Variants in PARD3 observed in about 807,000 individuals in gnomAD.
The protein encoded by PARD3 is partitioning defective 3 homolog.
A neutral mutation model predicts 155.4 loss-of-function variants in PARD3; 75 were observed. The observed-to-expected ratio is 0.48, with a 90% CI of 0.40 to 0.58. The LOEUF is 0.58. PARD3 is among the 20% of genes least tolerant of loss of function. The pLI is 0.00. For synonymous variants in PARD3, 576 were observed against 610.5 expected (o/e 0.94, Z 0.83); for missense variants, 1,642 against 1,721.7 (o/e 0.95, Z 0.82).
At chr10:34,182,609 A>G (rs1248218283) in intron 22 of PARD3, among the ~76,000 whole-genome samples, 2 of 152,156 alleles carry the variant, frequency 1.3e-5, no homozygotes, top group Non-Finnish European at 2.9e-5. Context: ...GAGGACCTGA[A>G]AAGTAACCTA....
intron 2 of PARD3, among the ~76,000 whole-genome samples, chr10:34,556,716 G>A (rs954317226): frequency 4.6e-5 from 7 of 152,136 alleles, no homozygotes; most frequent in Non-Finnish European, 8.8e-5. Flanking sequence ...GATGAGCGTA[G>A]TGTTTATTAT....
chr10:34,397,510 T>C (rs1843451803), intron 7 of PARD3, among the ~76,000 whole-genome samples: 1 of 152,258 alleles, frequency 6.6e-6, no homozygotes, highest in South Asian at 2.1e-4. Flanking sequence ...CTTCTAGTTC[T>C]GCAAAGACAT....
intron 7 of PARD3, among the ~76,000 whole-genome samples, chr10:34,395,979 AT>A (rs1843302986): frequency 1.3e-5 from 2 of 152,198 alleles, no homozygotes; most frequent in African/African-American, 4.8e-5. Context: ...GCTAATTGTC[AT>A]TAATGCCCCT....
At chr10:34,506,197 GC>G (rs2081051097) in intron 3 of PARD3, among the ~76,000 whole-genome samples, 1 of 152,120 alleles carries the variant, frequency 6.6e-6, no homozygotes, top group African/African-American at 2.4e-5. Context: ...AGATGCTTGG[GC>G]CCCACCAAAG....
At chr10:34,496,722 T>A (rs913308331) in intron 3 of PARD3, among the ~76,000 whole-genome samples, 1 of 152,080 alleles carries the variant, frequency 6.6e-6, no homozygotes, top group African/African-American at 2.4e-5. Context: ...ACCTATAGAC[T>A]AAAAGAATCC....
chr10:34,606,718 C>T (rs1311366784), intron 2 of PARD3, among the ~76,000 whole-genome samples: 2 of 151,492 alleles, frequency 1.3e-5, no homozygotes, highest in Non-Finnish European at 2.9e-5. Flanking sequence ...GCCTGTAATC[C>T]CAGCACTTTG....
intron 1 of PARD3, among the ~76,000 whole-genome samples, chr10:34,739,808 A>G (rs1374908290): frequency 6.6e-6 from 1 of 152,184 alleles, no homozygotes; most frequent in African/African-American, 2.4e-5. Context: ...GACCTCTTAA[A>G]TCCTGTGCAA....
chr10:34,370,082 G>A (rs1347307872), intron 12 of PARD3, among the ~76,000 whole-genome samples: 1 of 152,008 alleles, frequency 6.6e-6, no homozygotes, highest in Non-Finnish European at 1.5e-5. Context: ...AAATGATACC[G>A]CATACCTGGA....
chr10:34,153,142 C>T (rs1256914478), intron 22 of PARD3, among the ~76,000 whole-genome samples: 1 of 152,166 alleles, frequency 6.6e-6, no homozygotes, highest in Non-Finnish European at 1.5e-5. Context: ...CTCTATCACC[C>T]TGGCTGAAGT....
chr10:34,411,828 A>G (rs1024127796), intron 5 of PARD3, among the ~76,000 whole-genome samples: 1 of 152,042 alleles, frequency 6.6e-6, no homozygotes, highest in Non-Finnish European at 1.5e-5. Context: ...ACCCTAATAC[A>G]ATCATATTTG....
At chr10:34,639,533 T>C (rs529532448) in intron 2 of PARD3, among the ~76,000 whole-genome samples, 77 of 152,154 alleles carry the variant, frequency 5.1e-4, no homozygotes, top group African/African-American at 1.8e-3. Context: ...TCACTAATGG[T>C]CTTGAGGCTC....
chr10:34,474,698 C>A (rs566724287), intron 3 of PARD3, among the ~76,000 whole-genome samples: 28 of 152,334 alleles, frequency 1.8e-4, no homozygotes, highest in African/African-American at 6.5e-4. Context: ...AGACTTCAGG[C>A]TCCTGAGCCA....
chr10:34,184,698 G>GTT (rs9336860), intron 22 of PARD3, among the ~76,000 whole-genome samples: 26,920 of 134,958 alleles, frequency 0.2, 3,317 homozygotes, highest in Non-Finnish European at 0.26. Flanking sequence ...AGGCCTTTCG[G>GTT]TTTTTTTTTT....
intron 20 of PARD3, among the ~76,000 whole-genome samples, chr10:34,304,962 T>G (rs1957331002): frequency 6.6e-6 from 1 of 152,184 alleles, no homozygotes; most frequent in Non-Finnish European, 1.5e-5. Flanking sequence ...ATCCTCTAAA[T>G]TAGCCAGGAG....
At chr10:34,476,337 CCACCGT>C (rs2078702293) in intron 3 of PARD3, among the ~76,000 whole-genome samples, 1 of 152,126 alleles carries the variant, frequency 6.6e-6, no homozygotes, top group African/African-American at 2.4e-5. Flanking sequence ...ACATTTGGTG[CCACCGT>C]CTTGATTTGT....
rs1368529358 is a variant in PARD3, at chr10:34,401,889, C to T, written c.743G>A (p.Ser248Asn). ...QDEDGTEEDN[S>N]RVEPVGHADT... ...AGCATGTCCAACAGGTTCAACACGA[C>T]TGTTATCCTCTTCTGTCCCATCCTC... Residue 248 changes from serine to asparagine, a missense_variant, in exon 6 of 25, where the codon AGT becomes AAT. This residue lies in a region of PARD3 where 1,529 missense variants were observed against 1,587.3 expected (regional missense o/e 0.96). Coordinates refer to ENST00000374788, the MANE Select transcript of PARD3 (RefSeq NM_001184785.2). The T allele has an allele frequency of 1.2e-6, 2 of 1,613,644 alleles. No homozygotes were observed. The highest frequency in any genetic ancestry group is 8.5e-7 in the Non-Finnish European group (1 of 1,179,596).
At chr10:34,403,980 G>A (rs997601810) in intron 5 of PARD3, among the ~76,000 whole-genome samples, 3 of 152,008 alleles carry the variant, frequency 2.0e-5, no homozygotes, top group Non-Finnish European at 4.4e-5. Flanking sequence ...CACCTATGTT[G>A]CACTGTGAAA....
At chr10:34,350,968 C>T (rs1242562463) in intron 14 of PARD3, among the ~76,000 whole-genome samples, 2 of 152,096 alleles carry the variant, frequency 1.3e-5, no homozygotes, top group African/African-American at 4.8e-5. Context: ...ACTCTTTGAA[C>T]AGGCCTTTAT....
intron 2 of PARD3, among the ~76,000 whole-genome samples, chr10:34,552,338 T>G (rs1010372020): frequency 3.9e-5 from 6 of 152,336 alleles, no homozygotes; most frequent in Middle Eastern, 3.4e-3. Context: ...TGGCCTCAAG[T>G]GATCCTCCCA....
Sources: allele counts gnomAD v4.1 joint callset (sites outside exome capture counted in the v4.1 genomes callset), GRCh38; gene constraint gnomAD v4.1.1; regional missense constraint gnomAD v4.1.1; transcripts MANE v1.5; gene names NCBI Gene and HGNC (gene_info 2026-07-23, HGNC 2026-07-21).